Variants in RNFT2 observed in about 807,000 individuals in gnomAD.
RNFT2 encodes E3 ubiquitin-protein ligase RNFT2.
RNFT2 carries 36 observed loss-of-function variants against 53.0 expected under a neutral mutation model. The observed-to-expected ratio is 0.68, with a 90% CI of 0.52 to 0.90. The LOEUF (loss-of-function observed/expected upper bound fraction) is 0.90, where lower values mean the gene tolerates loss of function less well. Ranked by LOEUF, RNFT2 falls within the 40% of genes least tolerant of loss-of-function variation. The pLI, the probability that RNFT2 is intolerant of heterozygous loss-of-function variation, is 0.00. For synonymous variants in RNFT2, 260 were observed against 253.2 expected, an observed-to-expected ratio of 1.03 and a Z score of -0.26; for missense variants, 514 against 585.6, an observed-to-expected ratio of 0.88 and a Z score of 1.26.
Position 116,819,372 on chromosome 12 carries a change from C to G in RNFT2, c.883-14420C>G, listed in dbSNP as rs7307221. Among the ~76,000 whole-genome samples, 567 of 152,232 alleles carry G rather than the reference C, an allele frequency of 3.7e-3. 3 individuals carry two copies. The highest frequency in any genetic ancestry group is 0.013 in the African/African-American group (545 of 41,572). ...GCGCGGGACGCCCGGAGGCCAGACC[C>G]GGAGCCGGCGGCGCGCAGAGCGGGG... On this transcript the variant is annotated intron_variant, in intron 7 of 10. Transcript: ENST00000257575.
intron 7 of RNFT2, among the ~76,000 whole-genome samples, chr12:116,794,207 G>T (rs1874377037): frequency 6.6e-6 from 1 of 152,104 alleles, no homozygotes; most frequent in Non-Finnish European, 1.5e-5. Context: ...TGAGGCTGCA[G>T]TGAGCAATGA....
chr12:116,746,008 G>A (rs1034478903), intron 3 of RNFT2, among the ~76,000 whole-genome samples: 6 of 152,052 alleles, frequency 3.9e-5, no homozygotes, highest in African/African-American at 9.7e-5. Context: ...AGGCCAAGGC[G>A]GGTGGATCAC....
intron 4 of RNFT2, among the ~76,000 whole-genome samples, chr12:116,751,424 A>G (rs1001360322): frequency 6.6e-6 from 1 of 151,898 alleles, no homozygotes; most frequent in Non-Finnish European, 1.5e-5. Flanking sequence ...TTGTTTTGAC[A>G]TGGAGTTTTG....
rs1334544747 is a variant in RNFT2, at chr12:116,850,605, T to TTTTTA, written c.*1161_*1162insATTTT. 2.8e-5 allele frequency: 3 copies of TTTTTA among 106,636 alleles called. No homozygotes were observed. The highest frequency in any genetic ancestry group is 1.1e-4 in the African/African-American group (3 of 26,534). The allele number at this position is 106,636 out of a possible 1,614,324, so 6.6% of individuals were successfully genotyped here. A position where few individuals can be genotyped will look rare whatever the true frequency, so the allele number is the denominator to read the frequency against. The stretch of plus-strand genomic sequence containing the variant: ...AATCCCTGTGAGCCCTGTGAAGTAT[T>TTTTTA]TTTTCTTTTCTTTTCTTTTTTTTTT... On this transcript the variant is annotated 3_prime_UTR_variant, in exon 11 of 11. Coordinates refer to ENST00000257575, the MANE Select transcript of RNFT2 (RefSeq NM_001382266.1).
Position 116,842,639 on chromosome 12 carries a change from T to C in RNFT2, c.1200+6357T>C, listed in dbSNP as rs1877410367. Among the ~76,000 whole-genome samples the C allele has an allele frequency of 3.9e-5, 6 of 152,106 alleles. No homozygotes were observed. In the South Asian group the frequency reaches 1.2e-3, roughly 32 times the overall value. On this transcript the variant is annotated intron_variant, in intron 10 of 10. Transcript: ENST00000257575. ...CCCAGGCTAGAGTGCAGTGGCATGG[T>C]CTTGGCTCACTGCAACCTCTGCCTC...
chr12:116,821,059 G>A (rs766754982), intron 7 of RNFT2, among the ~76,000 whole-genome samples: 1 of 152,092 alleles, frequency 6.6e-6, no homozygotes, highest in Non-Finnish European at 1.5e-5. Context: ...TTGGTGTGCC[G>A]TTCCTGGCCC....
chr12:116,804,990 TTTACAC>T (rs1356415167), intron 7 of RNFT2, among the ~76,000 whole-genome samples: 4 of 152,308 alleles, frequency 2.6e-5, no homozygotes, highest in African/African-American at 9.6e-5. Context: ...GCTATAGCAA[TTTACAC>T]TTCTTCCAAT....
At chr12:116,805,570 G>A (rs1875006589) in intron 7 of RNFT2, among the ~76,000 whole-genome samples, 1 of 152,150 alleles carries the variant, frequency 6.6e-6, no homozygotes, top group Non-Finnish European at 1.5e-5. Flanking sequence ...CGCCTCCCGG[G>A]TTCCAGCAAG....
At chr12:116,777,889 T>G (rs1873505815) in intron 6 of RNFT2, among the ~76,000 whole-genome samples, 1 of 152,216 alleles carries the variant, frequency 6.6e-6, no homozygotes, top group African/African-American at 2.4e-5. Context: ...TTTATGCTTA[T>G]GTAGTGTGAC....
intron 10 of RNFT2, among the ~76,000 whole-genome samples, chr12:116,838,565 TC>T (rs1369386763): frequency 2.0e-5 from 3 of 152,188 alleles, no homozygotes; most frequent in Admixed American, 2.0e-4. Context: ...TTACCAAGCC[TC>T]TTTTGAGCTT....
In RNFT2 at chr12:116,769,307, G is replaced by A. The variant is rs577028036; in HGVS notation, c.728+2393G>A. Among the ~76,000 whole-genome samples the A allele has an allele frequency of 1.3e-3, 199 of 152,174 alleles. No homozygotes were observed. In the Middle Eastern group the frequency reaches 0.014, roughly 10 times the overall value. ...CGGGAGGCAGAGGTTGCAGTGAGCC[G>A]TGATCACGCCACTGCACTCCAGACA... is the stretch of plus-strand genomic sequence containing the variant. On this transcript the variant is annotated intron_variant, in intron 6 of 10. Coordinates refer to ENST00000257575, the MANE Select transcript of RNFT2 (RefSeq NM_001382266.1).
intron 10 of RNFT2, among the ~76,000 whole-genome samples, chr12:116,841,796 TATATATATAAATATATATATAAAA>T (rs1877277543): frequency 6.5e-5 from 6 of 92,222 alleles, no homozygotes; most frequent in African/African-American, 2.9e-4. Flanking sequence ...TATATATAAA[TATATATATAAATATATATATAAAA>T]ATATATATAT....
chr12:116,740,889 A>G, intron 2 of RNFT2, 147 bp from the exon 3 acceptor site: 1 of 693,956 alleles, frequency 1.4e-6, no homozygotes, highest in Non-Finnish European at 2.6e-6. Context: ...ATGGCATGAA[A>G]GATTGAAACA....
Position 116,849,570 on chromosome 12 carries a change from C to G in RNFT2, c.*122C>G. On this transcript the variant is annotated 3_prime_UTR_variant, in exon 11 of 11. Transcript: ENST00000257575. ...CATCCTGCCTCTTGCCCTCCACCAC[C>G]TCTGACCCCAAAGTCCCGCCCCTGT... 15 of 1,433,540 alleles carry G rather than the reference C, an allele frequency of 1.0e-5. No individual in the cohort carries two copies. The South Asian group carries it at 2.2e-4, about 21-fold the overall frequency. The allele number at this position is 1,433,540 out of a possible 1,614,324, so 88.8% of individuals were successfully genotyped here. A position where few individuals can be genotyped will look rare whatever the true frequency, so the allele number is the denominator to read the frequency against.
At chr12:116,798,212 C>T (rs532156462) in intron 7 of RNFT2, among the ~76,000 whole-genome samples, 384 of 147,734 alleles carry the variant, frequency 2.6e-3, no homozygotes, top group African/African-American at 8.9e-3. Context: ...GGAAACAGAA[C>T]GAGACTCTGT....
chr12:116,752,326 C>G (rs2137077316), intron 4 of RNFT2, among the ~76,000 whole-genome samples: 1 of 152,290 alleles, frequency 6.6e-6, no homozygotes, highest in Admixed American at 6.5e-5. Flanking sequence ...TCAGCCCCAC[C>G]CTTTCTATTC....
At chr12:116,822,563 A>G (rs1036475733) in intron 7 of RNFT2, among the ~76,000 whole-genome samples, 1 of 152,188 alleles carries the variant, frequency 6.6e-6, no homozygotes, top group Non-Finnish European at 1.5e-5. Flanking sequence ...GGTGCCTAGC[A>G]CATAGTTAAC....
chr12:116,776,111 A>C (rs188254570), intron 6 of RNFT2, among the ~76,000 whole-genome samples: 2 of 152,312 alleles, frequency 1.3e-5, no homozygotes, highest in Non-Finnish European at 2.9e-5. Context: ...AATAAAATAT[A>C]TCAGTCCATT....
chr12:116,836,307 T>C (rs376977883), intron 10 of RNFT2, 25 bp downstream of exon 10: 18 of 1,544,920 alleles, frequency 1.2e-5, no homozygotes, highest in African/African-American at 5.5e-5. Context: ...GGCGGGACCA[T>C]TGGAGACCAA....
Sources: gnomAD v4.1 joint callset for allele counts (sites outside exome capture counted in the v4.1 genomes callset) on GRCh38, gnomAD v4.1.1 for gene constraint, MANE v1.5 for transcripts, NCBI Gene and HGNC (gene_info 2026-07-23, HGNC 2026-07-21) for gene names.